DNAH7: variants seen among roughly 807,000 people sequenced by gnomAD.
DNAH7 encodes the protein dynein axonemal heavy chain 7.
A neutral mutation model predicts 444.6 loss-of-function variants in DNAH7; 397 were observed. The observed-to-expected ratio is 0.89, with a 90% CI of 0.82 to 0.97. The LOEUF is 0.97. Among genes scored for constraint, DNAH7 ranks in the 50% least tolerant of loss-of-function variants. The pLI is 0.00. For synonymous variants in DNAH7, 1,636 were observed against 1,624.4 expected, an observed-to-expected ratio of 1.01 and a Z score of -0.17; for missense variants, 4,902 against 4,800.8, an observed-to-expected ratio of 1.02 and a Z score of -0.62.
At chr2:195,836,198 T>C (rs1698363227) in intron 47 of DNAH7, among the ~76,000 whole-genome samples, 1 of 152,166 alleles carries the variant, frequency 6.6e-6, no homozygotes, top group African/African-American at 2.4e-5. Context: ...TAAGACCTCA[T>C]TTAACCTTAG....
chr2:196,055,289 G>T (rs113015638), intron 2 of DNAH7, among the ~76,000 whole-genome samples: 73 of 152,172 alleles, frequency 4.8e-4, no homozygotes, highest in African/African-American at 1.7e-3. Context: ...GCTATAGTGA[G>T]CCATGATCAC....
intron 21 of DNAH7, 53 bp downstream of exon 21, chr2:195,934,538 T>C (rs1290514631): frequency 6.5e-7 from 1 of 1,542,004 alleles, no homozygotes; most frequent in East Asian, 2.3e-5. Context: ...ATATTTCTAA[T>C]AACATTCATA....
intron 15 of DNAH7, among the ~76,000 whole-genome samples, chr2:195,975,405 A>G (rs1053836253): frequency 6.6e-5 from 10 of 152,268 alleles, no homozygotes; most frequent in African/African-American, 2.4e-4. Flanking sequence ...GAAATCACCC[A>G]TTCCAGATGT....
chr2:195,910,128 TC>T lies in DNAH7; in HGVS notation c.4002del (p.Thr1335LeufsTer11). ...TTTGCCAAATCCTTGGTAGTTTCAGTCTTCCCAGTGCCAGCTGGACCCTCAG... is the reference window on the plus strand; with the variant it reads ...TTTGCCAAATCCTTGGTAGTTTCAGTTTCCCAGTGCCAGCTGGACCCTCAG... Reference protein sequence around the residue: ...GAPEGPAGTGKTETTKDLAKA... With the variant: ...GAPEGPAGTGXTETTKDLAKA... On this transcript the variant is annotated frameshift_variant, in exon 25 of 65. Coordinates refer to ENST00000312428, the MANE Select transcript of DNAH7 (RefSeq NM_018897.3). LOFTEE classifies it high-confidence loss of function. 6.2e-7 allele frequency: 1 copy of T among 1,613,882 alleles called. No individual in the cohort carries two copies. Among genetic ancestry groups the T allele is most frequent in the Non-Finnish European group, 8.5e-7 (1 of 1,179,860 alleles).
At chr2:195,851,436 G>C (rs535596975) in intron 46 of DNAH7, among the ~76,000 whole-genome samples, 2 of 152,232 alleles carry the variant, frequency 1.3e-5, no homozygotes, top group African/African-American at 4.8e-5. Context: ...GGTTCAGACA[G>C]TGAATGAGTT....
intron 2 of DNAH7, among the ~76,000 whole-genome samples, chr2:196,054,347 T>G (rs1400561216): frequency 1.3e-5 from 2 of 151,328 alleles, no homozygotes; most frequent in Admixed American, 1.3e-4. Flanking sequence ...ATGGTGAAAC[T>G]CCATCTCTAC....
At chr2:195,844,973 A>G in intron 47 of DNAH7, 29 bp downstream of exon 47, 1 of 1,593,838 alleles carries the variant, frequency 6.3e-7, no homozygotes, top group South Asian at 1.1e-5. Context: ...TTTAATAAAG[A>G]CCATTTGTGA....
intron 15 of DNAH7, among the ~76,000 whole-genome samples, chr2:195,983,176 C>T (rs1465445606): frequency 6.6e-6 from 1 of 151,838 alleles, no homozygotes; most frequent in African/African-American, 2.4e-5. Context: ...AAAAATACCA[C>T]AAAAACTTAA....
At chr2:196,049,396 C>T (rs959185877) in intron 3 of DNAH7, among the ~76,000 whole-genome samples, 8 of 152,136 alleles carry the variant, frequency 5.3e-5, no homozygotes, top group Admixed American at 1.3e-4. Context: ...AGAAGCGCTA[C>T]GAGGAGTTGT....
At chr2:195,829,927 G>A (rs1011651656) in intron 48 of DNAH7, among the ~76,000 whole-genome samples, 8 of 151,516 alleles carry the variant, frequency 5.3e-5, no homozygotes, top group East Asian at 1.9e-4. Context: ...TATATTATGC[G>A]TCTCACCGGA....
intron 27 of DNAH7, chr2:195,901,415 G>A (rs1458923527): frequency 3.9e-5 from 6 of 151,926 alleles, no homozygotes; most frequent in Non-Finnish European, 8.8e-5. Flanking sequence ...TAGATAAAAA[G>A]CAACTTAAAA....
intron 58 of DNAH7, among the ~76,000 whole-genome samples, chr2:195,778,519 C>G (rs1695178523): frequency 6.7e-6 from 1 of 148,884 alleles, no homozygotes; most frequent in Non-Finnish European, 1.5e-5. Context: ...TGCCTATAGT[C>G]CCAGCTAGGG....
intron 48 of DNAH7, among the ~76,000 whole-genome samples, chr2:195,830,633 G>A (rs557556629): frequency 7.2e-5 from 11 of 152,320 alleles, no homozygotes; most frequent in African/African-American, 2.6e-4. Flanking sequence ...CATTGAAGGG[G>A]TCGAGATGTC....
chr2:195,775,735 G>A, intron 60 of DNAH7, 111 bp downstream of exon 60: 1 of 1,204,558 alleles, frequency 8.3e-7, no homozygotes, highest in Non-Finnish European at 1.1e-6. Context: ...TCCTTTAAAT[G>A]TTTCTCCACT....
intron 57 of DNAH7, among the ~76,000 whole-genome samples, chr2:195,789,431 A>C (rs1695774771): frequency 6.6e-6 from 1 of 152,172 alleles, no homozygotes; most frequent in African/African-American, 2.4e-5. Flanking sequence ...CTCGGGTAGG[A>C]AATAATATTT....
chr2:195,880,330 C>CT (rs1042876508), intron 36 of DNAH7, among the ~76,000 whole-genome samples: 5,758 of 136,584 alleles, frequency 0.042, 163 homozygotes, highest in African/African-American at 0.072. Context: ...CTTTCTTTTT[C>CT]TTTTTTTTTT....
chr2:195,781,696 G>A (rs1449180182), intron 58 of DNAH7, among the ~76,000 whole-genome samples: 1 of 143,488 alleles, frequency 7.0e-6, no homozygotes, highest in Non-Finnish European at 1.5e-5. Context: ...CAAAATCTTA[G>A]TTATCAAAAA....
chr2:195,945,903 C>CAT (rs780534458), intron 19 of DNAH7, among the ~76,000 whole-genome samples: 1 of 152,166 alleles, frequency 6.6e-6, no homozygotes, highest in African/African-American at 2.4e-5. Context: ...TATCCACTTA[C>CAT]TTCATCTCCA....
intron 51 of DNAH7, among the ~76,000 whole-genome samples, chr2:195,813,663 C>T (rs1309010557): frequency 6.6e-6 from 1 of 152,248 alleles, no homozygotes; most frequent in East Asian, 1.9e-4. Flanking sequence ...GGTTTATCTG[C>T]TTCGATAATT....
Sources: gnomAD v4.1 joint callset for allele counts (sites outside exome capture counted in the v4.1 genomes callset) on GRCh38, gnomAD v4.1.1 for gene constraint, MANE v1.5 for transcripts, NCBI Gene and HGNC (gene_info 2026-07-23, HGNC 2026-07-21) for gene names.